Variants in TMEM62 observed in about 807,000 individuals in gnomAD.
The protein encoded by TMEM62 is transmembrane protein 62.
TMEM62 carries 41 observed loss-of-function variants against 70.4 expected under a neutral mutation model. That is an observed-to-expected ratio of 0.58 (90% CI 0.45 to 0.76). TMEM62 has a LOEUF of 0.76. Ranked by LOEUF, TMEM62 falls within the 30% of genes least tolerant of loss-of-function variation. TMEM62 has a pLI of 0.00. For missense variants in TMEM62, 688 were observed against 788.5 expected, an observed-to-expected ratio of 0.87 and a Z score of 1.53; for synonymous variants, 268 against 291.0, an observed-to-expected ratio of 0.92 and a Z score of 0.80.
intron 12 of TMEM62, 25 bp from the exon 13 acceptor site, chr15:43,181,156 C>CT (rs2041292278): frequency 7.1e-7 from 1 of 1,407,256 alleles, no homozygotes; most frequent in Non-Finnish European, 1.0e-6. Context: ...TAATCTCCTC[C>CT]TTTTTTGTCC....
At chr15:43,136,132 A>G (rs1029240312) in intron 3 of TMEM62, among the ~76,000 whole-genome samples, 5 of 152,326 alleles carry the variant, frequency 3.3e-5, no homozygotes, top group African/African-American at 1.2e-4. Flanking sequence ...GCTAAGTGAA[A>G]GAAGGCAAAC....
Position 43,154,787 on chromosome 15 carries a change from A to G in TMEM62, c.1138A>G (p.Arg380Gly), listed in dbSNP as rs1486557068. 6.2e-7 allele frequency: 1 copy of G among 1,613,872 alleles called. No individual in the cohort carries two copies. The highest frequency in any genetic ancestry group is 8.5e-7 in the Non-Finnish European group (1 of 1,179,854). The change falls in exon 9 of 14, where the codon AGA becomes GGA. Residue 380 changes from arginine (R) to glycine (G), a missense_variant. Arg to Gly is a moderately radical substitution (Grantham distance 125). Coordinates refer to ENST00000260403, the MANE Select transcript of TMEM62 (RefSeq NM_024956.4). The stretch of plus-strand genomic sequence containing the variant: ...CATTTTCGTACTGAAGTGGAATCCT[A>G]GAAACTACAGTAGTGGGACACATAA... Reference protein sequence around the residue: ...GPIFVLKWNPRNYSSGTHNIE... With the variant: ...GPIFVLKWNPGNYSSGTHNIE...
At chr15:43,149,844 A>G (rs538193138) in intron 7 of TMEM62, among the ~76,000 whole-genome samples, 18 of 152,342 alleles carry the variant, frequency 1.2e-4, no homozygotes, top group African/African-American at 4.3e-4. Context: ...TATTGTTACA[A>G]GATGGTAGTG....
At chr15:43,171,614 C>CTTTTTTTTTTTT (rs751979920) in intron 11 of TMEM62, among the ~76,000 whole-genome samples, 1 of 114,972 alleles carries the variant, frequency 8.7e-6, no homozygotes. Flanking sequence ...TTAATAAAAA[C>CTTTTTTTTTTTT]TTTTTTTTTT....
intron 4 of TMEM62, among the ~76,000 whole-genome samples, chr15:43,140,715 G>A (rs2035884206): frequency 6.6e-6 from 1 of 152,206 alleles, no homozygotes; most frequent in Admixed American, 6.5e-5. Flanking sequence ...CCCAATCTCA[G>A]TCTGATAGAA....
Position 43,184,492 on chromosome 15 carries a change from T to C in TMEM62, c.1838T>C (p.Leu613Pro). ...TCCCCTTTGCGGACCTGGTTGACAC[T>C]GCTGACACCTGTTCTCATTCGTTAT... is the stretch of plus-strand genomic sequence containing the variant. ...LFSPLRTWLT[L>P]LTPVLIRYVW... Residue 613 changes from leucine to proline, a missense_variant, in exon 14 of 14, where the codon CTG (leucine) becomes CCG (proline). Coordinates refer to ENST00000260403, the MANE Select transcript of TMEM62 (RefSeq NM_024956.4). 1 of 1,614,122 alleles carries C rather than the reference T, an allele frequency of 6.2e-7. No individual in the cohort carries two copies. Among genetic ancestry groups the C allele is most frequent in the East Asian group, 2.2e-5 (1 of 44,890 alleles).
chr15:43,182,821 T>C (rs925124073), intron 13 of TMEM62, among the ~76,000 whole-genome samples: 2 of 152,234 alleles, frequency 1.3e-5, no homozygotes, highest in Admixed American at 6.5e-5. Flanking sequence ...AAATGAATCC[T>C]GAGCCTTACC....
intron 3 of TMEM62, among the ~76,000 whole-genome samples, chr15:43,137,872 A>G (rs911664460): frequency 2.0e-5 from 3 of 152,170 alleles, no homozygotes; most frequent in African/African-American, 4.8e-5. Flanking sequence ...GTCATCTGCA[A>G]CGCCTCATAG....
intron 3 of TMEM62, 90 bp from the exon 4 acceptor site, chr15:43,138,484 A>G (rs2035546879): frequency 9.4e-7 from 1 of 1,062,084 alleles, no homozygotes; most frequent in African/African-American, 1.6e-5. Flanking sequence ...TGTTATAGAA[A>G]GAATTATTTT....
Position 43,135,500 on chromosome 15 carries a change from G to A in TMEM62, c.293-12G>A. On this transcript the variant is annotated splice_polypyrimidine_tract_variant and intron_variant, in intron 2 of 13. Coordinates refer to ENST00000260403, the MANE Select transcript of TMEM62 (RefSeq NM_024956.4). ...TTTTGCATTGTGATTCAATTCTTGTGTAAACCTACAGGAGACCTGACAGAT... is the reference window on the plus strand; with the variant it reads ...TTTTGCATTGTGATTCAATTCTTGTATAAACCTACAGGAGACCTGACAGAT... 6.3e-7 allele frequency: 1 copy of A among 1,576,752 alleles called. No homozygotes were observed. Among genetic ancestry groups the A allele is most frequent in the Non-Finnish European group, 8.5e-7 (1 of 1,170,452 alleles).
intron 11 of TMEM62, among the ~76,000 whole-genome samples, chr15:43,174,907 A>T (rs187723816): frequency 3.3e-4 from 50 of 152,354 alleles, no homozygotes; most frequent in African/African-American, 1.2e-3. Flanking sequence ...GATGATTCCA[A>T]TGTGCAGTCA....
chr15:43,157,865 G>C (rs2038229062), intron 9 of TMEM62, among the ~76,000 whole-genome samples: 1 of 152,182 alleles, frequency 6.6e-6, no homozygotes, highest in Non-Finnish European at 1.5e-5. Flanking sequence ...CAGATAGATA[G>C]ATAAATAGAT....
rs968984848 is a variant in TMEM62 at position 43,185,065 on chromosome 15, A to C, written c.*479A>C. The C allele has an allele frequency of 1.6e-5, 4 of 245,060 alleles. No homozygotes were observed. The allele number at this position is 245,060 out of a possible 1,614,324, so 15.2% of individuals were successfully genotyped here. A position where few individuals can be genotyped will look rare whatever the true frequency, so the allele number is the denominator to read the frequency against. ...TATTAGTTCCCAGGCCTGTTTTCCCACAGGATTGTGGGCTCTCTGCTTCCT... is the reference window on the plus strand; with the variant it reads ...TATTAGTTCCCAGGCCTGTTTTCCCCCAGGATTGTGGGCTCTCTGCTTCCT... On this transcript the variant is annotated 3_prime_UTR_variant, in exon 14 of 14. Coordinates refer to ENST00000260403, the MANE Select transcript of TMEM62 (RefSeq NM_024956.4).
intron 11 of TMEM62, among the ~76,000 whole-genome samples, chr15:43,175,218 G>C (rs1258026182): frequency 6.6e-6 from 1 of 152,140 alleles, no homozygotes. Flanking sequence ...GAGAAGTACA[G>C]ACTAGAACAA....
chr15:43,139,529 G>T (rs1294460447), intron 4 of TMEM62, among the ~76,000 whole-genome samples: 1 of 152,212 alleles, frequency 6.6e-6, no homozygotes, highest in Admixed American at 6.5e-5. Context: ...TCTTGAGCTG[G>T]AGCAGTGAGC....
rs373370013 is a variant in TMEM62, at chr15:43,142,950, G to A, written c.477-3543G>A. 8.5e-5 allele frequency among the ~76,000 whole-genome samples: 13 copies of A among 152,276 alleles called. No individual in the cohort carries two copies. In the East Asian group the frequency reaches 1.7e-3, roughly 20 times the overall value. ...CTCCCAAAGTGCTAGGGTAACAGGC[G>A]TGAGCCACCATGCCCAGTCAGTAGA... On this transcript the variant is annotated intron_variant, in intron 4 of 13. Transcript: ENST00000260403.
chr15:43,136,312 T>C (rs761932176), intron 3 of TMEM62, among the ~76,000 whole-genome samples: 1 of 152,152 alleles, frequency 6.6e-6, no homozygotes, highest in Non-Finnish European at 1.5e-5. Flanking sequence ...TGTATTTTGA[T>C]TGTGGTGGTA....
chr15:43,134,590 A>C (rs1433054662), intron 2 of TMEM62, among the ~76,000 whole-genome samples: 1 of 152,224 alleles, frequency 6.6e-6, no homozygotes, highest in East Asian at 1.9e-4. Flanking sequence ...AGGTTTTGTC[A>C]AAGCAGTAGA....
At chr15:43,165,911 C>G (rs528056028) in intron 10 of TMEM62, among the ~76,000 whole-genome samples, 1 of 152,300 alleles carries the variant, frequency 6.6e-6, no homozygotes, top group Admixed American at 6.5e-5. Flanking sequence ...CAGGAATGGT[C>G]TCTGGTGCCT....
Sources: gnomAD v4.1 joint callset for allele counts (sites outside exome capture counted in the v4.1 genomes callset) on GRCh38, gnomAD v4.1.1 for gene constraint, MANE v1.5 for transcripts, NCBI Gene and HGNC (gene_info 2026-07-23, HGNC 2026-07-21) for gene names.